The following FRMD5 variants were observed in gnomAD, a reference collection of about 807,000 sequenced individuals.
FRMD5 encodes the protein FERM domain-containing protein 5.
Under a neutral mutation model 69.0 loss-of-function variants are expected in FRMD5, and 20 were observed. The observed-to-expected ratio is 0.29, with a 90% CI of 0.20 to 0.42. FRMD5 has a LOEUF of 0.42. Ranked by LOEUF, FRMD5 falls within the 10% of genes least tolerant of loss-of-function variation. The pLI is 1.00. For synonymous variants in FRMD5, 271 were observed against 260.1 expected, an observed-to-expected ratio of 1.04 and a Z score of -0.40; for missense variants, 595 against 708.6, an observed-to-expected ratio of 0.84 and a Z score of 1.82.
chr15:44,075,588 C>G lies in FRMD5; in HGVS notation c.102+119365G>C, dbSNP rs1595696543. On this transcript the variant is annotated intron_variant, in intron 1 of 13. Coordinates refer to ENST00000417257, the MANE Select transcript of FRMD5 (RefSeq NM_032892.5). ...TTCTCCCTATTTTAGACAGTACTTT[C>G]CTTTTAACTTAGGGTTTAGCAAATC... 1.3e-5 allele frequency among the ~76,000 whole-genome samples: 2 copies of G among 152,170 alleles called. 1 individual carries two copies. The highest frequency in any genetic ancestry group is 1.3e-4 in the Admixed American group (2 of 15,274).
chr15:43,979,773 T>G (rs529400372), intron 1 of FRMD5, among the ~76,000 whole-genome samples: 1 of 152,338 alleles, frequency 6.6e-6, no homozygotes, highest in South Asian at 2.1e-4. Flanking sequence ...GTGCTTTACT[T>G]TTACCCACTG....
intron 1 of FRMD5, among the ~76,000 whole-genome samples, chr15:43,960,496 G>T (rs563979493): frequency 6.6e-6 from 1 of 152,228 alleles, no homozygotes; most frequent in Admixed American, 6.5e-5. Context: ...TGATCTGCCC[G>T]CCTCGGCCTC....
chr15:44,141,403 A>G (rs528327401), intron 1 of FRMD5, among the ~76,000 whole-genome samples: 13 of 152,358 alleles, frequency 8.5e-5, no homozygotes, highest in Admixed American at 7.8e-4. Context: ...ATAATTCAGA[A>G]ACAGTCAAGT....
intron 1 of FRMD5, among the ~76,000 whole-genome samples, chr15:44,178,823 T>C (rs755042891): frequency 6.6e-6 from 1 of 152,140 alleles, no homozygotes; most frequent in Middle Eastern, 3.4e-3. Flanking sequence ...TAAAACTCTA[T>C]CTCTACTAAA....
chr15:44,035,780 A>T (rs547144231), intron 1 of FRMD5, among the ~76,000 whole-genome samples: 7 of 152,238 alleles, frequency 4.6e-5, no homozygotes, highest in African/African-American at 1.7e-4. Context: ...TTTTTTAAAA[A>T]TCTATGTTTT....
intron 1 of FRMD5, among the ~76,000 whole-genome samples, chr15:44,103,390 A>G (rs2140537111): frequency 6.6e-6 from 1 of 152,352 alleles, no homozygotes; most frequent in Admixed American, 6.5e-5. Context: ...TTTATGGAAT[A>G]GTTTTGATTA....
chr15:44,105,670 C>G (rs1354666901), intron 1 of FRMD5, among the ~76,000 whole-genome samples: 1 of 152,160 alleles, frequency 6.6e-6, no homozygotes, highest in African/African-American at 2.4e-5. Context: ...TTATTTGTAG[C>G]TTGTCATTTT....
intron 1 of FRMD5, among the ~76,000 whole-genome samples, chr15:43,967,646 C>T (rs766109238): frequency 2.0e-5 from 3 of 152,058 alleles, no homozygotes; most frequent in East Asian, 3.9e-4. Context: ...GTAACTAACA[C>T]GAGGCTGCAC....
At chr15:43,881,684 G>T (rs930205875) in intron 13 of FRMD5, among the ~76,000 whole-genome samples, 2 of 152,150 alleles carry the variant, frequency 1.3e-5, no homozygotes, top group African/African-American at 4.8e-5. Context: ...TAGCTTCCTT[G>T]CAACCAATGG....
chr15:44,189,124 G>A (rs561637561), intron 1 of FRMD5, among the ~76,000 whole-genome samples: 2 of 152,212 alleles, frequency 1.3e-5, no homozygotes, highest in South Asian at 2.1e-4. Context: ...TTAGTCTAAC[G>A]GTAGCAGGCA....
Position 43,946,366 on chromosome 15 carries a change from C to T in FRMD5, c.103-22057G>A, listed in dbSNP as rs1027218483. Among the ~76,000 whole-genome samples, 6 of 152,110 alleles carry T rather than the reference C, an allele frequency of 3.9e-5. No individual in the cohort carries two copies. In the East Asian group the frequency reaches 5.8e-4, roughly 15 times the overall value. ...TCTCCTGTTTATATACGCATGTACA[C>T]GAGGAAATAACATAGGCTGGAAAGG... is the stretch of plus-strand genomic sequence containing the variant. On this transcript the variant is annotated intron_variant, in intron 1 of 13. Coordinates refer to ENST00000417257, the MANE Select transcript of FRMD5 (RefSeq NM_032892.5).
Position 43,873,476 on chromosome 15 carries a change from C to G in FRMD5, c.*409G>C. 1 of 1,422,590 alleles carries G rather than the reference C, an allele frequency of 7.0e-7. No homozygotes were observed. Among genetic ancestry groups the G allele is most frequent in the Non-Finnish European group, 9.1e-7 (1 of 1,099,564 alleles). The allele number at this position is 1,422,590 out of a possible 1,614,324, so 88.1% of individuals were successfully genotyped here. On this transcript the variant is annotated 3_prime_UTR_variant, in exon 14 of 14. Transcript: ENST00000417257. ...TCCTGCAGAATACAGAGGACAGCAGCTCTCTAGTTTTCAACTAGTGTCCCC... is the reference window on the plus strand; with the variant it reads ...TCCTGCAGAATACAGAGGACAGCAGGTCTCTAGTTTTCAACTAGTGTCCCC...
chr15:44,006,563 C>T (rs1414760005), intron 1 of FRMD5, among the ~76,000 whole-genome samples: 1 of 152,128 alleles, frequency 6.6e-6, no homozygotes, highest in East Asian at 1.9e-4. Flanking sequence ...GAACTGAATG[C>T]CATCATTCTA....
At chr15:44,063,464 GACA>G in intron 1 of FRMD5, 1 of 217,194 alleles carries the variant, frequency 4.6e-6, no homozygotes, top group Non-Finnish European at 9.5e-6. Context: ...CCTCCCGTTT[GACA>G]ACAGCATCTT....
At chr15:43,939,959 C>A (rs2089833826) in intron 1 of FRMD5, among the ~76,000 whole-genome samples, 1 of 152,114 alleles carries the variant, frequency 6.6e-6, no homozygotes, top group Admixed American at 6.5e-5. Flanking sequence ...GGCGGATCAC[C>A]TTAGGTCAGG....
intron 1 of FRMD5, among the ~76,000 whole-genome samples, chr15:44,123,380 A>G (rs1018490276): frequency 6.6e-6 from 1 of 152,126 alleles, no homozygotes; most frequent in African/African-American, 2.4e-5. Context: ...GGTTAAAGAA[A>G]AGTGACCCTC....
intron 1 of FRMD5, among the ~76,000 whole-genome samples, chr15:44,188,893 C>T (rs1032896202): frequency 8.6e-5 from 13 of 151,932 alleles, no homozygotes; most frequent in Admixed American, 2.0e-4. Context: ...CCTCTAAATA[C>T]GAAGCAGCAG....
chr15:43,879,344 C>G (rs2140343414), intron 13 of FRMD5, among the ~76,000 whole-genome samples: 1 of 152,336 alleles, frequency 6.6e-6, no homozygotes, highest in South Asian at 2.1e-4. Flanking sequence ...CCTCCCACAT[C>G]AGGTTAGTCC....
intron 1 of FRMD5, among the ~76,000 whole-genome samples, chr15:44,136,923 C>T (rs903245560): frequency 1.3e-4 from 20 of 151,694 alleles, no homozygotes; most frequent in African/African-American, 3.9e-4. Flanking sequence ...CACACAACAG[C>T]GATAGATAAA....
Sources: allele counts gnomAD v4.1 joint callset (sites outside exome capture counted in the v4.1 genomes callset), GRCh38; gene constraint gnomAD v4.1.1; transcripts MANE v1.5; gene names NCBI Gene and HGNC (gene_info 2026-07-23, HGNC 2026-07-21).